Variants in KIRREL3 observed in about 807,000 individuals in gnomAD.
KIRREL3 encodes the protein kirre like nephrin family adhesion molecule 3, also known as kin of IRRE-like protein 3.
In KIRREL3, 36 loss-of-function variants were observed where a neutral mutation model predicts 89.7. That is an observed-to-expected ratio of 0.40 (90% CI 0.31 to 0.53). The LOEUF (loss-of-function observed/expected upper bound fraction) is 0.53. Among genes scored for constraint, KIRREL3 ranks in the 20% least tolerant of loss-of-function variants. KIRREL3 has a pLI of 0.49. For missense variants in KIRREL3, 864 were observed against 1,056.6 expected, an observed-to-expected ratio of 0.82 and a Z score of 2.53; for synonymous variants, 445 against 441.4, an observed-to-expected ratio of 1.01 and a Z score of -0.10.
chr11:126,629,944 T>A (rs596929), intron 1 of KIRREL3, among the ~76,000 whole-genome samples: 60,623 of 151,990 alleles, frequency 0.4, 12,966 homozygotes, highest in South Asian at 0.52. Context: ...TTTATTAAAC[T>A]CTCCAGATTC....
chr11:126,533,851 C>T lies in KIRREL3; in HGVS notation c.134-7164G>A, dbSNP rs79521194. Among the ~76,000 whole-genome samples the T allele has an allele frequency of 9.5e-3, 1,451 of 152,268 alleles. 20 individuals are homozygous for T. The highest frequency in any genetic ancestry group is 0.032 in the African/African-American group (1,345 of 41,536). On this transcript the variant is annotated intron_variant, in intron 2 of 16. Transcript: ENST00000525144. ...AGGATGCATCTGGGCCACTTGACTC[C>T]GGGGCTGGCTCACAACAAATGCTCA...
In KIRREL3 at chr11:126,550,089, C is replaced by T. The variant is rs182325907; in HGVS notation, c.133+12746G>A. 3 of 152,210 alleles carry T rather than the reference C, an allele frequency of 2.0e-5. No homozygotes were observed. The highest frequency in any genetic ancestry group is 7.2e-5 in the African/African-American group (3 of 41,442). 9.4% of individuals were successfully genotyped at this position (152,210 alleles called of 1,614,324 possible). On this transcript the variant is annotated intron_variant, in intron 2 of 16. Transcript: ENST00000525144. The surrounding 1 kb of genome is among the most constrained non-coding windows in gnomAD (Gnocchi z 4.9). ...TGTAGTTGCTGACGTGTTTGTCTCT[C>T]CCCGCAAGACAGTGGTATCCTTGGG...
chr11:126,547,096 G>T (rs78770381), intron 2 of KIRREL3, among the ~76,000 whole-genome samples: 16,147 of 152,206 alleles, frequency 0.11, 998 homozygotes, highest in Admixed American at 0.16. Flanking sequence ...CATGTTACTT[G>T]GTGGGTCCCC....
rs889198531 is a variant in KIRREL3 at position 126,776,352 on chromosome 11, G to A, written c.56-213440C>T. 3.3e-5 allele frequency among the ~76,000 whole-genome samples: 5 copies of A among 152,172 alleles called. No individual in the cohort carries two copies. Among genetic ancestry groups the A allele is most frequent in the Admixed American group, 3.3e-4 (5 of 15,274 alleles). ...CTAGCCTGAGAGTCAAAACACCTGG[G>A]CTTCAGGTCTGTCTTACGCAAGTCA... On this transcript the variant is annotated intron_variant, in intron 1 of 16. Coordinates refer to ENST00000525144, the MANE Select transcript of KIRREL3 (RefSeq NM_032531.4). The surrounding 1 kb of genome is among the most constrained non-coding windows in gnomAD (Gnocchi z 4.7).
At chr11:126,482,688 T>C (rs983974624) in intron 4 of KIRREL3, among the ~76,000 whole-genome samples, 1 of 152,226 alleles carries the variant, frequency 6.6e-6, no homozygotes. Context: ...CAGAGGTCTA[T>C]GTCCTTTTCC....
rs1950371061 is a variant in KIRREL3 at position 126,782,872 on chromosome 11, C to G, written c.55+217583G>C. On this transcript the variant is annotated intron_variant, in intron 1 of 16. Transcript: ENST00000525144. The surrounding 1 kb of genome is among the most constrained non-coding windows in gnomAD (Gnocchi z 4.1). ...ACTAGCAACAACATTACAGTAGCAA[C>G]AAGCACACCTAACAATCCAGAGTTT... 6.6e-6 allele frequency among the ~76,000 whole-genome samples: 1 copy of G among 152,164 alleles called. No homozygotes were observed. The highest frequency in any genetic ancestry group is 2.4e-5 in the African/African-American group (1 of 41,432).
In KIRREL3 at chr11:126,640,971, A is replaced by G. The variant is rs751565312; in HGVS notation, c.56-78059T>C. Among the ~76,000 whole-genome samples, 2 of 152,092 alleles carry G rather than the reference A, an allele frequency of 1.3e-5. No individual in the cohort carries two copies. The highest frequency in any genetic ancestry group is 2.9e-5 in the Non-Finnish European group (2 of 68,016). On this transcript the variant is annotated intron_variant, in intron 1 of 16. Coordinates refer to ENST00000525144, the MANE Select transcript of KIRREL3 (RefSeq NM_032531.4). This position sits in a 1 kb window ranked among gnomAD's most constrained non-coding sequence, Gnocchi z 4.9. ...CACCCCCTAAACTCTGGACTCATCTATCCAATTGCCTAGTTCTCCCCTCCA... is the reference window on the plus strand; with the variant it reads ...CACCCCCTAAACTCTGGACTCATCTGTCCAATTGCCTAGTTCTCCCCTCCA...
At chr11:126,864,852 G>A (rs1367302906) in intron 1 of KIRREL3, among the ~76,000 whole-genome samples, 1 of 152,134 alleles carries the variant, frequency 6.6e-6, no homozygotes, top group Admixed American at 6.5e-5. Context: ...TCTCCATCAT[G>A]CATATACCAC....
intron 1 of KIRREL3, among the ~76,000 whole-genome samples, chr11:126,934,341 GC>G (rs1948085779): frequency 6.6e-6 from 1 of 152,084 alleles, no homozygotes; most frequent in South Asian, 2.1e-4. Flanking sequence ...AAATGTAGAA[GC>G]TAAAACTACA....
At chr11:126,911,357 T>G (rs1302926218) in intron 1 of KIRREL3, among the ~76,000 whole-genome samples, 1 of 152,146 alleles carries the variant, frequency 6.6e-6, no homozygotes, top group Non-Finnish European at 1.5e-5. Context: ...TAATGGAGAT[T>G]CTGCAGACAG....
rs576117592 is a variant in KIRREL3, at chr11:126,762,909, C to T, written c.56-199997G>A. Among the ~76,000 whole-genome samples the T allele has an allele frequency of 2.6e-5, 4 of 152,214 alleles. No individual in the cohort carries two copies. The South Asian group carries it at 6.2e-4, about 24-fold the overall frequency. ...AATTTGGGACCATCTTTTGCAATAGCGTCTGCAACTCACGATTGACCCCAA... is the reference window on the plus strand; with the variant it reads ...AATTTGGGACCATCTTTTGCAATAGTGTCTGCAACTCACGATTGACCCCAA... On this transcript the variant is annotated intron_variant, in intron 1 of 16. Transcript: ENST00000525144.
chr11:126,874,065 T>C (rs1041081008), intron 1 of KIRREL3, among the ~76,000 whole-genome samples: 2 of 152,214 alleles, frequency 1.3e-5, no homozygotes, highest in Non-Finnish European at 2.9e-5. Flanking sequence ...ACTAAGGTGA[T>C]GCAAAGGCAC....
At chr11:126,617,959 T>C (rs574022793) in intron 1 of KIRREL3, among the ~76,000 whole-genome samples, 9 of 152,336 alleles carry the variant, frequency 5.9e-5, no homozygotes, top group African/African-American at 1.9e-4. Context: ...TTATGTTCAG[T>C]TGTGATCCTC....
Position 126,432,847 on chromosome 11 carries a change from T to C in KIRREL3, c.1589-1321A>G, listed in dbSNP as rs1346124547. Among the ~76,000 whole-genome samples, 1 of 152,130 alleles carries C rather than the reference T, an allele frequency of 6.6e-6. No individual in the cohort carries two copies. The highest frequency in any genetic ancestry group is 6.6e-5 in the Admixed American group (1 of 15,266). On this transcript the variant is annotated intron_variant, in intron 13 of 16. Coordinates refer to ENST00000525144, the MANE Select transcript of KIRREL3 (RefSeq NM_032531.4). This position sits in a 1 kb window ranked among gnomAD's most constrained non-coding sequence, Gnocchi z 6.2. ...ACCCAGCCCTGTTTGGTGTTTGCTG[T>C]TGTTGTTACCCAGGAAGGGGTCACC... is the stretch of plus-strand genomic sequence containing the variant.
Position 126,459,731 on chromosome 11 carries a change from CAT to C in KIRREL3, c.743-3279_743-3278del, listed in dbSNP as rs535907623. Among the ~76,000 whole-genome samples the C allele has an allele frequency of 3.3e-5, 5 of 152,142 alleles. No homozygotes were observed. The highest frequency in any genetic ancestry group is 1.2e-4 in the African/African-American group (5 of 41,510). On this transcript the variant is annotated intron_variant, in intron 6 of 16. Coordinates refer to ENST00000525144, the MANE Select transcript of KIRREL3 (RefSeq NM_032531.4). This position sits in a 1 kb window ranked among gnomAD's most constrained non-coding sequence, Gnocchi z 4.8. ...CCATCCGCCCGTGTGTGCGTGTGTC[CAT>C]GTGTGTGTGTTTTCAGGGGAAGTAT...
chr11:126,486,847 G>A lies in KIRREL3; in HGVS notation c.434-13381C>T, dbSNP rs1957374803. Among the ~76,000 whole-genome samples, 1 of 152,306 alleles carries A rather than the reference G, an allele frequency of 6.6e-6. No homozygotes were observed. The highest frequency in any genetic ancestry group is 2.1e-4 in the South Asian group (1 of 4,828). On this transcript the variant is annotated intron_variant, in intron 4 of 16. Coordinates refer to ENST00000525144, the MANE Select transcript of KIRREL3 (RefSeq NM_032531.4). The surrounding 1 kb of genome is among the most constrained non-coding windows in gnomAD (Gnocchi z 6.2). Reference sequence around the variant, plus strand: ...ACTTCGGTAGCTTTAATAGCATCAAGGCAGCCATCCTGACCCAGCAAAGGG... The same window carrying A: ...ACTTCGGTAGCTTTAATAGCATCAAAGCAGCCATCCTGACCCAGCAAAGGG...
In KIRREL3 at chr11:126,768,129, C is replaced by CATCT. The variant is rs1439465775; in HGVS notation, c.56-205221_56-205218dup. On this transcript the variant is annotated intron_variant, in intron 1 of 16. Coordinates refer to ENST00000525144, the MANE Select transcript of KIRREL3 (RefSeq NM_032531.4). This position sits in a 1 kb window ranked among gnomAD's most constrained non-coding sequence, Gnocchi z 4.5. ...CCATCTGTCCATCCATCTGTCTATC[C>CATCT]ATCTATCCATCCATCCATCCATCCA... Among the ~76,000 whole-genome samples the CATCT allele has an allele frequency of 2.0e-4, 26 of 131,926 alleles. No individual in the cohort carries two copies. Among genetic ancestry groups the CATCT allele is most frequent in the Admixed American group, 4.0e-4 (5 of 12,360 alleles). 86.5% of individuals were successfully genotyped at this position (131,926 alleles called of 152,430 possible).
chr11:126,785,787 T>C (rs1227872056), intron 1 of KIRREL3, among the ~76,000 whole-genome samples: 1 of 138,230 alleles, frequency 7.2e-6, no homozygotes, highest in African/African-American at 2.8e-5. Context: ...GGCAGGGGAA[T>C]CGCTTGAACC....
intron 1 of KIRREL3, among the ~76,000 whole-genome samples, chr11:126,582,696 A>G (rs1027549218): frequency 6.6e-6 from 1 of 152,180 alleles, no homozygotes. Flanking sequence ...AAGGTCACCG[A>G]GTATTTGCAA....
Sources: gnomAD v4.1 joint callset for allele counts (sites outside exome capture counted in the v4.1 genomes callset) on GRCh38, gnomAD v4.1.1 for gene constraint, Gnocchi (gnomAD v3.1) non-coding constraint, MANE v1.5 for transcripts, NCBI Gene and HGNC (gene_info 2026-07-23, HGNC 2026-07-21) for gene names.